Variants in CDK15 observed in about 807,000 individuals in gnomAD.
CDK15 encodes cyclin dependent kinase 15.
In CDK15, 62 loss-of-function variants were observed where a neutral mutation model predicts 60.3. The observed-to-expected ratio is 1.03, with a 90% CI of 0.84 to 1.27. The LOEUF is 1.27. CDK15 is among the 50% of genes most tolerant of loss of function. CDK15 has a pLI of 0.00. For synonymous variants in CDK15, 194 were observed against 195.7 expected (o/e 0.99, Z 0.07); for missense variants, 541 against 527.8 (o/e 1.03, Z -0.25).
intron 8 of CDK15, among the ~76,000 whole-genome samples, chr2:201,843,472 G>A (rs1312256929): frequency 6.6e-6 from 1 of 152,128 alleles, no homozygotes; most frequent in African/African-American, 2.4e-5. Flanking sequence ...CTTACACCTA[G>A]AACAGATCTG....
chr2:201,845,171 T>C (rs182223365), intron 8 of CDK15, among the ~76,000 whole-genome samples: 63 of 149,598 alleles, frequency 4.2e-4, no homozygotes, highest in Admixed American at 1.9e-3. Context: ...AAAAAAAAAT[T>C]GGCAATAAAA....
Position 201,894,791 on chromosome 2 carries a change from A to T in CDK15, c.*1524A>T, listed in dbSNP as rs2105852805. ...GACACCTATCGAATTTAGAGAATAC[A>T]CAACTCTTGCAGAGGCAGCTGCTAT... On this transcript the variant is annotated 3_prime_UTR_variant, in exon 14 of 14. Transcript: ENST00000652192. 6.6e-6 allele frequency: 1 copy of T among 152,296 alleles called. No individual in the cohort carries two copies. Among genetic ancestry groups the T allele is most frequent in the Middle Eastern group, 3.4e-3 (1 of 294 alleles). The allele number at this position is 152,296 out of a possible 1,614,324, so 9.4% of individuals were successfully genotyped here. A position where few individuals can be genotyped will look rare whatever the true frequency, so the allele number is the denominator to read the frequency against.
At chr2:201,839,004 G>A (rs1296418424) in intron 8 of CDK15, among the ~76,000 whole-genome samples, 3 of 151,978 alleles carry the variant, frequency 2.0e-5, no homozygotes, top group South Asian at 2.1e-4. Flanking sequence ...GCAGTGGTGC[G>A]ATCTCAGCTC....
At chr2:201,813,918 T>C (rs1273431007) in intron 4 of CDK15, among the ~76,000 whole-genome samples, 3 of 152,160 alleles carry the variant, frequency 2.0e-5, no homozygotes, top group Admixed American at 2.0e-4. Context: ...GTTTTAAGTG[T>C]TTAATATAAT....
intron 10 of CDK15, among the ~76,000 whole-genome samples, chr2:201,863,993 A>G (rs1284671716): frequency 6.6e-6 from 1 of 152,224 alleles, no homozygotes; most frequent in Non-Finnish European, 1.5e-5. Flanking sequence ...AGTAAGGTTT[A>G]ATATATTTAT....
rs1232824103 is a variant in CDK15 at position 201,834,118 on chromosome 2, G to C, written c.730+147G>C. 5.8e-6 allele frequency: 6 copies of C among 1,029,618 alleles called. No individual in the cohort carries two copies. In the African/African-American group the frequency reaches 6.5e-5, roughly 11 times the overall value. The allele number at this position is 1,029,618 out of a possible 1,614,324, so 63.8% of individuals were successfully genotyped here. ...AGGATATCAAACTACCACAAAGGAA[G>C]TGTGAGGCACGAAACAGGGAGGGAT... On this transcript the variant is annotated intron_variant, in intron 7 of 13. Transcript: ENST00000652192.
intron 4 of CDK15, among the ~76,000 whole-genome samples, chr2:201,814,359 G>A (rs541240087): frequency 5.3e-5 from 8 of 152,222 alleles, no homozygotes; most frequent in East Asian, 1.9e-4. Context: ...TTACCTTACC[G>A]AATGCTTTGC....
At position 201,850,778 on chromosome 2, in the gene CDK15, C is replaced by G. The variant is rs143319939; in HGVS notation, c.945+3304C>G. The stretch of plus-strand genomic sequence containing the variant: ...CATCAGTGTGCAAATGCTCCCTTTC[C>G]TCCACATTCTTGCCAACACCTCTTT... On this transcript the variant is annotated intron_variant, in intron 9 of 13. Transcript: ENST00000652192. Among the ~76,000 whole-genome samples the G allele has an allele frequency of 2.6e-3, 391 of 152,286 alleles. 1 individual carries two copies. The highest frequency in any genetic ancestry group is 0.017 in the Middle Eastern group (5 of 294).
chr2:201,824,626 C>A lies in CDK15; in HGVS notation c.606+899C>A, dbSNP rs1696386071. 1.5e-5 allele frequency: 5 copies of A among 326,968 alleles called. No homozygotes were observed. The South Asian group carries it at 1.8e-4, about 12-fold the overall frequency. 20.3% of individuals were successfully genotyped at this position (326,968 alleles called of 1,614,324 possible). A position where few individuals can be genotyped will look rare whatever the true frequency, so the allele number is the denominator to read the frequency against. On this transcript the variant is annotated intron_variant, in intron 6 of 13. Coordinates refer to ENST00000652192, the MANE Select transcript of CDK15 (RefSeq NM_001366386.2). ...ATGTGGACCTAAATACCCAGAAGAACTCCCCTTTGTAAGATTTGTAACAAA... is the reference window on the plus strand; with the variant it reads ...ATGTGGACCTAAATACCCAGAAGAAATCCCCTTTGTAAGATTTGTAACAAA...
intron 11 of CDK15, among the ~76,000 whole-genome samples, chr2:201,874,927 T>C (rs1371298626): frequency 6.6e-6 from 1 of 152,152 alleles, no homozygotes; most frequent in Non-Finnish European, 1.5e-5. Flanking sequence ...AAGAACCCAG[T>C]TGAGCTCATA....
chr2:201,841,699 G>A (rs186041656), intron 8 of CDK15, among the ~76,000 whole-genome samples: 8 of 152,306 alleles, frequency 5.3e-5, no homozygotes, highest in East Asian at 1.9e-4. Context: ...ATTATAACCC[G>A]TAGTGCAGAG....
chr2:201,861,664 G>A lies in CDK15; in HGVS notation c.1009+6727G>A, dbSNP rs557392742. On this transcript the variant is annotated intron_variant, in intron 10 of 13. Transcript: ENST00000652192. ...CAGCCTCCGCCTCCTGGGTACAAGC[G>A]GTTCTCCTGCTTCAGCCTCCCGAGT... is the stretch of plus-strand genomic sequence containing the variant. The A allele has an allele frequency of 4.4e-5, 16 of 367,632 alleles. No homozygotes were observed. The East Asian group carries it at 8.3e-4, about 19-fold the overall frequency. The allele number at this position is 367,632 out of a possible 1,614,324, so 22.8% of individuals were successfully genotyped here. A position where few individuals can be genotyped will look rare whatever the true frequency, so the allele number is the denominator to read the frequency against.
At chr2:201,820,448 G>T (rs1035663278) in intron 4 of CDK15, among the ~76,000 whole-genome samples, 7 of 152,224 alleles carry the variant, frequency 4.6e-5, no homozygotes, top group Admixed American at 6.5e-5. Context: ...ATTTACCAAG[G>T]TTCCACAAAT....
intron 8 of CDK15, among the ~76,000 whole-genome samples, chr2:201,843,486 C>A (rs1457744287): frequency 6.6e-6 from 1 of 152,108 alleles, no homozygotes; most frequent in East Asian, 1.9e-4. Context: ...AGATCTGTCA[C>A]CTTTCAAACT....
intron 10 of CDK15, among the ~76,000 whole-genome samples, chr2:201,868,917 A>G (rs1698744547): frequency 6.6e-6 from 1 of 152,188 alleles, no homozygotes; most frequent in South Asian, 2.1e-4. Flanking sequence ...AGGAATGCTT[A>G]TACACTGTTG....
chr2:201,853,405 T>C (rs1697995742), intron 9 of CDK15, among the ~76,000 whole-genome samples: 1 of 152,210 alleles, frequency 6.6e-6, no homozygotes, highest in Non-Finnish European at 1.5e-5. Context: ...TGCTAAAAAG[T>C]ACATCTCTCA....
intron 5 of CDK15, among the ~76,000 whole-genome samples, chr2:201,823,280 A>G (rs1341443093): frequency 6.6e-6 from 1 of 152,240 alleles, no homozygotes; most frequent in Non-Finnish European, 1.5e-5. Flanking sequence ...CAAGCTTGCT[A>G]AAGAATAACT....
intron 10 of CDK15, among the ~76,000 whole-genome samples, chr2:201,858,942 T>C (rs1174181538): frequency 1.3e-5 from 2 of 152,128 alleles, no homozygotes; most frequent in African/African-American, 4.8e-5. Context: ...CTCACCCTCC[T>C]CCGGCAGCAC....
intron 11 of CDK15, among the ~76,000 whole-genome samples, chr2:201,873,978 C>T (rs1269746720): frequency 1.3e-5 from 2 of 148,520 alleles, no homozygotes; most frequent in Non-Finnish European, 3.0e-5. Flanking sequence ...CGCTTGAACC[C>T]GGGAGGCGGA....
Sources: gnomAD v4.1 joint callset for allele counts (sites outside exome capture counted in the v4.1 genomes callset) on GRCh38, gnomAD v4.1.1 for gene constraint, MANE v1.5 for transcripts, NCBI Gene and HGNC (gene_info 2026-07-23, HGNC 2026-07-21) for gene names.